The following CADM2 variants were observed in gnomAD, a reference collection of about 807,000 sequenced individuals.
CADM2 encodes the protein immunoglobulin superfamily member 4D.
In CADM2, 12 loss-of-function variants were observed where a neutral mutation model predicts 49.8. That is an observed-to-expected ratio of 0.24 (90% CI 0.15 to 0.39). The LOEUF is 0.39. Among genes scored for constraint, CADM2 ranks in the 10% least tolerant of loss-of-function variants. CADM2 has a pLI of 1.00. For missense variants in CADM2, 378 were observed against 492.3 expected (o/e 0.77, Z 2.20); for synonymous variants, 214 against 175.4 (o/e 1.22, Z -1.74).
intron 1 of CADM2, among the ~76,000 whole-genome samples, chr3:85,314,409 C>A (rs895723522): frequency 1.3e-5 from 2 of 150,782 alleles, no homozygotes; most frequent in African/African-American, 4.9e-5. Context: ...AAAATCAGTT[C>A]CTGGATATTA....
At chr3:85,664,203 C>T (rs892041362) in intron 1 of CADM2, among the ~76,000 whole-genome samples, 1 of 151,818 alleles carries the variant, frequency 6.6e-6, no homozygotes, top group African/African-American at 2.4e-5. Context: ...TGTTTAGTTC[C>T]ATGCTTTTAA....
At chr3:85,677,650 GT>G (rs1334129691) in intron 1 of CADM2, among the ~76,000 whole-genome samples, 1 of 152,120 alleles carries the variant, frequency 6.6e-6, no homozygotes, top group Non-Finnish European at 1.5e-5. Flanking sequence ...AATGCAAAAT[GT>G]ATAGTTAAAT....
At chr3:85,742,299 G>A (rs1191520888) in intron 2 of CADM2, among the ~76,000 whole-genome samples, 1 of 152,140 alleles carries the variant, frequency 6.6e-6, no homozygotes, top group Non-Finnish European at 1.5e-5. Flanking sequence ...GATGAAGCAT[G>A]TTATAGATGT....
chr3:85,782,452 G>A (rs922948786), intron 2 of CADM2, among the ~76,000 whole-genome samples: 1 of 151,746 alleles, frequency 6.6e-6, no homozygotes, highest in Non-Finnish European at 1.5e-5. Flanking sequence ...TGAGGCGGGC[G>A]GATCACGAGG....
intron 3 of CADM2, among the ~76,000 whole-genome samples, chr3:85,809,700 C>G (rs968295356): frequency 1.8e-4 from 23 of 127,812 alleles, no homozygotes; most frequent in East Asian, 6.8e-4. Context: ...TCCTTCCTTC[C>G]TTCCTTCCTT....
intron 6 of CADM2, among the ~76,000 whole-genome samples, chr3:85,924,485 C>A (rs899061792): frequency 6.6e-6 from 1 of 151,798 alleles, no homozygotes; most frequent in Admixed American, 6.6e-5. Flanking sequence ...CCAGCTACAT[C>A]GGGGGCCAAA....
chr3:85,189,886 G>T (rs1030464901), intron 1 of CADM2, among the ~76,000 whole-genome samples: 2 of 95,288 alleles, frequency 2.1e-5, no homozygotes, highest in Admixed American at 8.9e-5. Flanking sequence ...GATATTATCA[G>T]TATCAGTTCC....
intron 1 of CADM2, among the ~76,000 whole-genome samples, chr3:85,086,930 A>T (rs1000007330): frequency 6.6e-6 from 1 of 152,176 alleles, no homozygotes; most frequent in Non-Finnish European, 1.5e-5. Flanking sequence ...GTATTTGAGG[A>T]CATTGTAAAT....
intron 1 of CADM2, among the ~76,000 whole-genome samples, chr3:85,345,226 A>G (rs547356365): frequency 1.4e-5 from 2 of 138,626 alleles, no homozygotes; most frequent in East Asian, 4.8e-4. Context: ...AGGCAGGAGA[A>G]TTGCTTGAAC....
intron 3 of CADM2, among the ~76,000 whole-genome samples, chr3:85,841,151 T>A (rs1009992837): frequency 1.3e-5 from 2 of 151,894 alleles, no homozygotes; most frequent in Non-Finnish European, 2.9e-5. Context: ...AAACTCTTGA[T>A]AACATGAAAC....
intron 8 of CADM2, among the ~76,000 whole-genome samples, chr3:86,061,707 A>G (rs962415997): frequency 4.6e-5 from 7 of 152,176 alleles, no homozygotes; most frequent in Non-Finnish European, 1.0e-4. Context: ...AAAATGAAAA[A>G]TAAAGAGAAC....
intron 1 of CADM2, among the ~76,000 whole-genome samples, chr3:85,660,532 G>C (rs1237881495): frequency 1.3e-5 from 2 of 150,994 alleles, no homozygotes; most frequent in East Asian, 3.9e-4. Flanking sequence ...GAAATCTCCT[G>C]CTCCCCTTCA....
chr3:85,568,684 C>T (rs1443982534), intron 1 of CADM2, among the ~76,000 whole-genome samples: 9 of 147,426 alleles, frequency 6.1e-5, no homozygotes, highest in Non-Finnish European at 1.3e-4. Flanking sequence ...CTCACTGCAA[C>T]CTCCGCCTCC....
intron 6 of CADM2, among the ~76,000 whole-genome samples, chr3:85,916,935 T>C (rs1222739899): frequency 6.6e-6 from 1 of 152,194 alleles, no homozygotes. Context: ...ATGATGAGCA[T>C]TTTTTCATGT....
intron 8 of CADM2, among the ~76,000 whole-genome samples, chr3:86,062,709 T>C (rs1274667082): frequency 6.6e-6 from 1 of 152,124 alleles, no homozygotes; most frequent in African/African-American, 2.4e-5. Context: ...TAGAATCGCT[T>C]GTCCCTGGGA....
chr3:85,018,732 T>G (rs1403493795), intron 1 of CADM2, among the ~76,000 whole-genome samples: 1 of 152,194 alleles, frequency 6.6e-6, no homozygotes, highest in African/African-American at 2.4e-5. Context: ...TGCTGTCTCC[T>G]ATGGTAAGAA....
At chr3:85,150,170 T>C (rs540657589) in intron 1 of CADM2, among the ~76,000 whole-genome samples, 1 of 152,298 alleles carries the variant, frequency 6.6e-6, no homozygotes, top group South Asian at 2.1e-4. Context: ...AATTTTAGCT[T>C]TCAGAAGCTG....
intron 1 of CADM2, among the ~76,000 whole-genome samples, chr3:85,430,583 C>G (rs1049001771): frequency 6.8e-6 from 1 of 146,312 alleles, no homozygotes; most frequent in African/African-American, 2.5e-5. Flanking sequence ...GTAATTCTAA[C>G]CAAGAATTGC....
intron 8 of CADM2, among the ~76,000 whole-genome samples, chr3:86,036,468 GCC>G (rs1285101813): frequency 1.3e-5 from 2 of 151,918 alleles, no homozygotes; most frequent in African/African-American, 4.8e-5. Context: ...TCTTCAGTCT[GCC>G]CCTTAATTCC....
Sources: gnomAD v4.1 joint callset for allele counts (sites outside exome capture counted in the v4.1 genomes callset) on GRCh38, gnomAD v4.1.1 for gene constraint, MANE v1.5 for transcripts, NCBI Gene and HGNC (gene_info 2026-07-23, HGNC 2026-07-21) for gene names.